COG5: variants seen among roughly 807,000 people sequenced by gnomAD.
COG5 encodes conserved oligomeric Golgi complex subunit 5.
A neutral mutation model predicts 110.4 loss-of-function variants in COG5; 86 were observed. The observed-to-expected ratio is 0.78, with a 90% CI of 0.65 to 0.93. The LOEUF (loss-of-function observed/expected upper bound fraction) is 0.93. COG5 is among the 40% of genes least tolerant of loss of function. The pLI is 0.00. For synonymous variants in COG5, 360 were observed against 334.6 expected, an observed-to-expected ratio of 1.08 and a Z score of -0.83; for missense variants, 1,077 against 987.0, an observed-to-expected ratio of 1.09 and a Z score of -1.22.
chr7:107,219,082 T>C (rs1799717956), intron 19 of COG5, among the ~76,000 whole-genome samples: 1 of 152,030 alleles, frequency 6.6e-6, no homozygotes, highest in Admixed American at 6.6e-5. Context: ...CCAACAGATA[T>C]ATGAAAAAAT....
Position 107,203,293 on chromosome 7 carries a change from T to C in COG5, c.*223A>G. 3.5e-6 allele frequency: 2 copies of C among 564,038 alleles called. No homozygotes were observed. The highest frequency in any genetic ancestry group is 3.0e-5 in the Admixed American group (1 of 32,872). The allele number at this position is 564,038 out of a possible 1,614,324, so 34.9% of individuals were successfully genotyped here. ...CAAAAATCTGAAAGAGGAAAACATC[T>C]TTCTGGAAAAATCAGGTCCATGGAA... On this transcript the variant is annotated 3_prime_UTR_variant, in exon 22 of 22. Coordinates refer to ENST00000297135, the MANE Select transcript of COG5 (RefSeq NM_006348.5).
chr7:107,487,679 C>T (rs913044666), intron 6 of COG5, among the ~76,000 whole-genome samples: 4 of 150,072 alleles, frequency 2.7e-5, no homozygotes, highest in Non-Finnish European at 5.9e-5. Flanking sequence ...AACAACTGTG[C>T]AAAGATGTAT....
Position 107,222,916 on chromosome 7 carries a change from G to T in COG5, c.2168+7699C>A, listed in dbSNP as rs533519995. ...TAAAAAAAAACTGCATTTCTACTCAGCAAGATTCACATTTAAACGATTCAT... is the reference window on the plus strand; with the variant it reads ...TAAAAAAAAACTGCATTTCTACTCATCAAGATTCACATTTAAACGATTCAT... On this transcript the variant is annotated intron_variant, in intron 19 of 21. Coordinates refer to ENST00000297135, the MANE Select transcript of COG5 (RefSeq NM_006348.5). Among the ~76,000 whole-genome samples the T allele has an allele frequency of 2.0e-5, 3 of 152,140 alleles. No homozygotes were observed. In the South Asian group the frequency reaches 6.2e-4, roughly 32 times the overall value.
chr7:107,213,956 T>A (rs1799343533), intron 19 of COG5, among the ~76,000 whole-genome samples: 2 of 151,946 alleles, frequency 1.3e-5, no homozygotes, highest in Admixed American at 6.6e-5. Flanking sequence ...CAACAAAAAA[T>A]ACACAACAAT....
intron 10 of COG5, among the ~76,000 whole-genome samples, chr7:107,357,069 C>T (rs1420607415): frequency 1.3e-5 from 2 of 152,028 alleles, no homozygotes; most frequent in African/African-American, 4.8e-5. Context: ...ATTTAGGGTC[C>T]CCAAATCATT....
chr7:107,437,838 A>G (rs996787836), intron 6 of COG5, among the ~76,000 whole-genome samples: 4 of 152,140 alleles, frequency 2.6e-5, no homozygotes, highest in Non-Finnish European at 4.4e-5. Context: ...TTTCCCCTTG[A>G]TCATAACTAA....
At chr7:107,535,131 G>C (rs1801486001) in intron 5 of COG5, among the ~76,000 whole-genome samples, 1 of 151,506 alleles carries the variant, frequency 6.6e-6, no homozygotes, top group South Asian at 2.1e-4. Context: ...TGAGAACAAA[G>C]ACACAACATA....
chr7:107,280,821 A>G (rs1420610391), intron 14 of COG5, among the ~76,000 whole-genome samples: 1 of 151,984 alleles, frequency 6.6e-6, no homozygotes, highest in Non-Finnish European at 1.5e-5. Context: ...TGGAATCTTT[A>G]AAAAGTAAAT....
Position 107,283,648 on chromosome 7 carries a change from G to A in COG5, c.1398C>T (p.Ile466=). The A allele has an allele frequency of 6.2e-7, 1 of 1,613,734 alleles. No individual in the cohort carries two copies. The highest frequency in any genetic ancestry group is 1.1e-5 in the South Asian group (1 of 91,076). The change falls in exon 13 of 22, where the codon ATC becomes ATT. Residue 466 remains isoleucine, a synonymous_variant. Transcript: ENST00000297135. ...SKSLSRLFDP[I]NLVFPPGGRN... ...GACCACCCGGGGGAAAAACCAAGTTGATAGGATCGAAGAGTCGAGATAAGG... is the reference window on the plus strand; with the variant it reads ...GACCACCCGGGGGAAAAACCAAGTTAATAGGATCGAAGAGTCGAGATAAGG...
intron 11 of COG5, among the ~76,000 whole-genome samples, chr7:107,323,973 T>G (rs549231841): frequency 4.7e-4 from 72 of 152,320 alleles, no homozygotes; most frequent in African/African-American, 1.7e-3. Context: ...TGGAACATAT[T>G]TGAATGACCA....
At chr7:107,469,788 T>C (rs1489872376) in intron 6 of COG5, among the ~76,000 whole-genome samples, 1 of 151,610 alleles carries the variant, frequency 6.6e-6, no homozygotes. Context: ...CTCCCTGCAT[T>C]TTTTTTTAAT....
At chr7:107,383,883 T>C (rs1040039222) in intron 7 of COG5, among the ~76,000 whole-genome samples, 3 of 152,116 alleles carry the variant, frequency 2.0e-5, no homozygotes, top group African/African-American at 7.2e-5. Flanking sequence ...TCCTCCAAAC[T>C]GCAAAGAATT....
intron 21 of COG5, among the ~76,000 whole-genome samples, chr7:107,205,861 C>T (rs1403787301): frequency 1.3e-5 from 2 of 152,068 alleles, no homozygotes; most frequent in African/African-American, 2.4e-5. Context: ...CTTTGGAATC[C>T]CTGAAGGCTG....
intron 14 of COG5, among the ~76,000 whole-genome samples, chr7:107,269,531 T>C (rs893764178): frequency 1.3e-5 from 2 of 151,900 alleles, no homozygotes; most frequent in East Asian, 3.9e-4. Context: ...GGCTTTACAA[T>C]CCTTCTGAAC....
intron 12 of COG5, among the ~76,000 whole-genome samples, chr7:107,294,733 T>G (rs1290342076): frequency 4.4e-5 from 5 of 112,502 alleles, no homozygotes; most frequent in Admixed American, 3.6e-4. Flanking sequence ...TTTTTTTTTT[T>G]GAGACAGAAT....
rs183473647 is a variant in COG5, at chr7:107,280,926, G to A, written c.1575+374C>T. On this transcript the variant is annotated intron_variant, in intron 14 of 21. Transcript: ENST00000297135. ...TCATACTAGGTGACCATGCATGAAT[G>A]ATATATGGAGTTAGTGGTCACACAA... is the stretch of plus-strand genomic sequence containing the variant. 3.7e-3 allele frequency among the ~76,000 whole-genome samples: 564 copies of A among 152,006 alleles called. 2 individuals are homozygous for A. Among genetic ancestry groups the A allele is most frequent in the Middle Eastern group, 6.8e-3 (2 of 294 alleles).
chr7:107,243,298 G>A (rs1295961537), intron 17 of COG5, among the ~76,000 whole-genome samples: 1 of 152,038 alleles, frequency 6.6e-6, no homozygotes, highest in African/African-American at 2.4e-5. Context: ...TGGATCACAA[G>A]GTCAGAAGAT....
intron 17 of COG5, among the ~76,000 whole-genome samples, chr7:107,243,236 T>C (rs1801784604): frequency 6.6e-6 from 1 of 152,008 alleles, no homozygotes; most frequent in Non-Finnish European, 1.5e-5. Context: ...AGTCTCGGCC[T>C]GGGGCGGTGG....
intron 7 of COG5, among the ~76,000 whole-genome samples, chr7:107,379,936 T>C (rs542146167): frequency 6.6e-6 from 1 of 152,254 alleles, no homozygotes; most frequent in South Asian, 2.1e-4. Context: ...CTAATAGTCA[T>C]CTACAGAACT....
Sources: allele counts gnomAD v4.1 joint callset (sites outside exome capture counted in the v4.1 genomes callset), GRCh38; gene constraint gnomAD v4.1.1; transcripts MANE v1.5; gene names NCBI Gene and HGNC (gene_info 2026-07-23, HGNC 2026-07-21).